LRRC4C: variants seen among roughly 807,000 people sequenced by gnomAD.
LRRC4C encodes leucine rich repeat containing 4C.
In LRRC4C, 5 loss-of-function variants were observed where a neutral mutation model predicts 33.6. That is an observed-to-expected ratio of 0.15 (90% CI 0.08 to 0.31). LRRC4C has a LOEUF of 0.31. Ranked by LOEUF, LRRC4C falls within the 10% of genes least tolerant of loss-of-function variation. The probability of loss-of-function intolerance (pLI) is 1.00; values close to 1 mark genes in which losing one functional copy is unlikely to be tolerated. For synonymous variants in LRRC4C, 329 were observed against 302.0 expected (o/e 1.09, Z -0.93); for missense variants, 560 against 796.7 (o/e 0.70, Z 3.58).
At chr11:40,128,983 T>G (rs1053915223) in intron 6 of LRRC4C, among the ~76,000 whole-genome samples, 1 of 152,212 alleles carries the variant, frequency 6.6e-6, no homozygotes, top group African/African-American at 2.4e-5. Context: ...CATATTTTCT[T>G]ACTGCCTGTC....
chr11:40,431,613 A>G (rs1326204996), intron 3 of LRRC4C, among the ~76,000 whole-genome samples: 1 of 151,922 alleles, frequency 6.6e-6, no homozygotes, highest in Non-Finnish European at 1.5e-5. Context: ...AAGTCCCCAA[A>G]TATTAAACTC....
At chr11:41,110,407 G>A (rs913611357) in intron 1 of LRRC4C, among the ~76,000 whole-genome samples, 3 of 151,700 alleles carry the variant, frequency 2.0e-5, no homozygotes, top group Non-Finnish European at 2.9e-5. Flanking sequence ...TATTCTTATT[G>A]TTCCCATCTT....
At chr11:40,316,059 A>G (rs1217748483) in intron 4 of LRRC4C, among the ~76,000 whole-genome samples, 3 of 151,974 alleles carry the variant, frequency 2.0e-5, no homozygotes, top group Non-Finnish European at 4.4e-5. Flanking sequence ...GCCACTACCA[A>G]TATAGCCACA....
intron 2 of LRRC4C, among the ~76,000 whole-genome samples, chr11:40,686,114 C>T (rs960456495): frequency 2.0e-5 from 3 of 151,976 alleles, no homozygotes; most frequent in Admixed American, 2.0e-4. Flanking sequence ...GTGACTAAGA[C>T]TTTGGGGTTT....
In LRRC4C at chr11:41,226,513, A is replaced by T. The variant is rs1397472187; in HGVS notation, c.-496+232918T>A. On this transcript the variant is annotated intron_variant, in intron 1 of 6. Transcript: ENST00000528697. ...CTCCCCCAATGTCCTGTCTTCACAC[A>T]TAGACACTTATCACTGTCAGTACTC... Among the ~76,000 whole-genome samples the T allele has an allele frequency of 3.3e-5, 5 of 152,126 alleles. No individual in the cohort carries two copies. The South Asian group carries it at 6.2e-4, about 19-fold the overall frequency.
intron 2 of LRRC4C, among the ~76,000 whole-genome samples, chr11:40,711,859 A>G (rs1335903901): frequency 1.3e-5 from 2 of 152,220 alleles, no homozygotes; most frequent in Non-Finnish European, 2.9e-5. Flanking sequence ...CCTAATGAGA[A>G]GCCTAAGATA....
At chr11:41,103,557 C>T (rs563641024) in intron 1 of LRRC4C, among the ~76,000 whole-genome samples, 7 of 151,266 alleles carry the variant, frequency 4.6e-5, no homozygotes, top group African/African-American at 1.7e-4. Flanking sequence ...GAAATGAGTA[C>T]GACAGACTTT....
intron 2 of LRRC4C, among the ~76,000 whole-genome samples, chr11:40,803,824 G>T (rs1473915982): frequency 6.6e-6 from 1 of 152,098 alleles, no homozygotes; most frequent in Non-Finnish European, 1.5e-5. Context: ...TGGGGTACAT[G>T]AGATATTTTG....
chr11:41,179,773 C>T (rs943510233), intron 1 of LRRC4C, among the ~76,000 whole-genome samples: 2 of 152,138 alleles, frequency 1.3e-5, no homozygotes, highest in South Asian at 2.1e-4. Context: ...ACAATTTTGA[C>T]ATTAATTGGC....
At chr11:40,794,993 A>G (rs957521511) in intron 2 of LRRC4C, among the ~76,000 whole-genome samples, 1 of 152,194 alleles carries the variant, frequency 6.6e-6, no homozygotes, top group Admixed American at 6.5e-5. Flanking sequence ...TAGACATCAT[A>G]TCTTTTACTA....
chr11:41,449,713 A>G (rs996822913), intron 1 of LRRC4C, among the ~76,000 whole-genome samples: 4 of 150,282 alleles, frequency 2.7e-5, no homozygotes, highest in Non-Finnish European at 5.9e-5. Flanking sequence ...ACCCCTACCC[A>G]GGGATGATAG....
intron 1 of LRRC4C, among the ~76,000 whole-genome samples, chr11:41,376,486 C>A (rs1431248248): frequency 6.6e-6 from 1 of 152,106 alleles, no homozygotes; most frequent in African/African-American, 2.4e-5. Context: ...CAGTGATTAT[C>A]CTATCTCCAA....
intron 3 of LRRC4C, among the ~76,000 whole-genome samples, chr11:40,421,354 T>A (rs1950517641): frequency 6.6e-6 from 1 of 152,172 alleles, no homozygotes; most frequent in South Asian, 2.1e-4. Context: ...CTGGACCAAG[T>A]CAGTAATGAT....
At chr11:40,992,308 A>G (rs1043987548) in intron 1 of LRRC4C, among the ~76,000 whole-genome samples, 1 of 152,154 alleles carries the variant, frequency 6.6e-6, no homozygotes, top group Non-Finnish European at 1.5e-5. Flanking sequence ...TATTTTCATG[A>G]ACTATGTTAT....
At chr11:40,120,578 G>GA (rs1805165885) in intron 6 of LRRC4C, among the ~76,000 whole-genome samples, 1 of 152,040 alleles carries the variant, frequency 6.6e-6, no homozygotes, top group African/African-American at 2.4e-5. Context: ...CAAAATCCCT[G>GA]ATACATAAGC....
chr11:40,676,378 A>G (rs1944403349), intron 2 of LRRC4C, among the ~76,000 whole-genome samples: 1 of 152,112 alleles, frequency 6.6e-6, no homozygotes, highest in African/African-American at 2.4e-5. Context: ...AACCCTAGAG[A>G]TCATCTAATT....
At chr11:40,436,246 A>G (rs536441230) in intron 3 of LRRC4C, among the ~76,000 whole-genome samples, 1 of 152,340 alleles carries the variant, frequency 6.6e-6, no homozygotes, top group East Asian at 1.9e-4. Context: ...AATTATAATA[A>G]TTAAATATAA....
intron 5 of LRRC4C, among the ~76,000 whole-genome samples, chr11:40,234,951 A>G (rs1865456057): frequency 6.6e-6 from 1 of 152,216 alleles, no homozygotes; most frequent in Non-Finnish European, 1.5e-5. Context: ...ATTGAGAACC[A>G]CCGTACTAAG....
Position 40,707,785 on chromosome 11 carries a change from G to A in LRRC4C, c.-406-59507C>T, listed in dbSNP as rs186410296. Among the ~76,000 whole-genome samples the A allele has an allele frequency of 3.3e-3, 509 of 152,310 alleles. 12 individuals carry two copies. Among genetic ancestry groups the A allele is most frequent in the Admixed American group, 0.03 (464 of 15,302 alleles). On this transcript the variant is annotated intron_variant, in intron 2 of 6. Transcript: ENST00000528697. The stretch of plus-strand genomic sequence containing the variant: ...GACTGGAATAGTTTCAGAAGGAATG[G>A]CACAAGCTTCTCTTTGTACCTCTGG...
Sources: allele counts gnomAD v4.1 joint callset (sites outside exome capture counted in the v4.1 genomes callset), GRCh38; gene constraint gnomAD v4.1.1; transcripts MANE v1.5; gene names NCBI Gene and HGNC (gene_info 2026-07-23, HGNC 2026-07-21).